CNTN4: variants seen among roughly 807,000 people sequenced by gnomAD.
CNTN4 encodes contactin 4, also known as contactin-4.
Under a neutral mutation model 122.5 loss-of-function variants are expected in CNTN4, and 77 were observed. That is an observed-to-expected ratio of 0.63 (90% CI 0.52 to 0.76). The LOEUF is 0.76. CNTN4 is among the 30% of genes least tolerant of loss of function. The pLI is 0.00. For missense variants in CNTN4, 1,256 were observed against 1,259.1 expected, an observed-to-expected ratio of 1.00 and a Z score of 0.04; for synonymous variants, 512 against 447.0, an observed-to-expected ratio of 1.15 and a Z score of -1.83.
chr3:3,041,951 C>G (rs999113777), intron 20 of CNTN4, among the ~76,000 whole-genome samples: 1 of 152,016 alleles, frequency 6.6e-6, no homozygotes, highest in Non-Finnish European at 1.5e-5. Flanking sequence ...AGAGTGAGAC[C>G]CTATTTCAAA....
chr3:2,218,811 T>C (rs2038952194), intron 2 of CNTN4, among the ~76,000 whole-genome samples: 1 of 152,218 alleles, frequency 6.6e-6, no homozygotes, highest in African/African-American at 2.4e-5. Context: ...CCATTTTTCA[T>C]CACGATAGGA....
In CNTN4 at chr3:2,659,088, C is replaced by CA. The variant is rs201992395; in HGVS notation, c.56-77120dup. ...GTGAGATCAGAAAGAATGCTCTGTT[C>CA]AAAAAAATCACATACTTTGTCTCAT... is the stretch of plus-strand genomic sequence containing the variant. On this transcript the variant is annotated intron_variant, in intron 4 of 24. Coordinates refer to ENST00000418658, the MANE Select transcript of CNTN4 (RefSeq NM_175607.3). Among the ~76,000 whole-genome samples the CA allele has an allele frequency of 8.6e-3, 1,298 of 151,232 alleles. 24 individuals are homozygous for CA. Among genetic ancestry groups the CA allele is most frequent in the African/African-American group, 0.03 (1,234 of 41,196 alleles).
chr3:2,661,102 C>T (rs1285593521), intron 4 of CNTN4, among the ~76,000 whole-genome samples: 2 of 152,170 alleles, frequency 1.3e-5, no homozygotes, highest in Non-Finnish European at 2.9e-5. Context: ...CTACTACTAC[C>T]AAACAGTTTT....
intron 3 of CNTN4, among the ~76,000 whole-genome samples, chr3:2,394,913 A>G (rs998472521): frequency 2.0e-5 from 3 of 150,164 alleles, no homozygotes; most frequent in African/African-American, 4.9e-5. Context: ...CAGCCTCCCA[A>G]GTAGCTTAGG....
intron 3 of CNTN4, among the ~76,000 whole-genome samples, chr3:2,529,774 TGAGGAG>T (rs992513395): frequency 1.3e-5 from 2 of 151,698 alleles, no homozygotes; most frequent in African/African-American, 4.8e-5. Context: ...CACCATATGA[TGAGGAG>T]GAGGAGGAGG....
At chr3:2,968,335 A>G (rs1692539596) in intron 13 of CNTN4, among the ~76,000 whole-genome samples, 1 of 152,164 alleles carries the variant, frequency 6.6e-6, no homozygotes, top group Admixed American at 6.5e-5. Flanking sequence ...AAACCAAGGA[A>G]AAAAATGTGG....
intron 2 of CNTN4, among the ~76,000 whole-genome samples, chr3:2,210,622 C>T (rs573808599): frequency 7.2e-5 from 11 of 152,230 alleles, no homozygotes; most frequent in Middle Eastern, 3.4e-3. Flanking sequence ...GAGGCTAAGA[C>T]AAAACTTAAA....
At chr3:2,113,553 A>G (rs1018618399) in intron 2 of CNTN4, among the ~76,000 whole-genome samples, 1 of 152,214 alleles carries the variant, frequency 6.6e-6, no homozygotes, top group African/African-American at 2.4e-5. Flanking sequence ...AACTGAAACA[A>G]CTGGTTCCCT....
At chr3:2,188,251 C>T (rs1218048570) in intron 2 of CNTN4, among the ~76,000 whole-genome samples, 1 of 152,138 alleles carries the variant, frequency 6.6e-6, no homozygotes. Flanking sequence ...TTTGCCTTTC[C>T]ATTGAGAGGT....
chr3:2,683,883 C>T (rs2085294297), intron 4 of CNTN4, among the ~76,000 whole-genome samples: 1 of 152,096 alleles, frequency 6.6e-6, no homozygotes, highest in African/African-American at 2.4e-5. Flanking sequence ...CTGGGCTCTA[C>T]CTTAAACCTA....
At chr3:3,039,440 A>G (rs1699943099) in intron 19 of CNTN4, 1 of 176,790 alleles carries the variant, frequency 5.7e-6, no homozygotes, top group African/African-American at 2.4e-5. Flanking sequence ...AACAACCTGG[A>G]GGAAAGTTAG....
intron 3 of CNTN4, among the ~76,000 whole-genome samples, chr3:2,378,747 T>A (rs2045913159): frequency 6.6e-6 from 1 of 151,706 alleles, no homozygotes; most frequent in Non-Finnish European, 1.5e-5. Flanking sequence ...TTTTTTTTTT[T>A]GAAGAAGGAT....
chr3:2,980,497 G>A (rs1693856479), intron 13 of CNTN4, among the ~76,000 whole-genome samples: 1 of 152,188 alleles, frequency 6.6e-6, no homozygotes, highest in Admixed American at 6.5e-5. Context: ...AAGTCAGTCA[G>A]TAGTCTAAAT....
intron 6 of CNTN4, among the ~76,000 whole-genome samples, chr3:2,785,771 G>T (rs886201552): frequency 6.6e-6 from 1 of 152,056 alleles, no homozygotes; most frequent in African/African-American, 2.4e-5. Flanking sequence ...GATATACTGG[G>T]TAGAAGGGCA....
At chr3:2,632,528 C>A (rs147227548) in intron 4 of CNTN4, among the ~76,000 whole-genome samples, 3 of 152,256 alleles carry the variant, frequency 2.0e-5, no homozygotes, top group African/African-American at 7.2e-5. Flanking sequence ...CAAAGAGTTG[C>A]ACATTTATGT....
At chr3:2,994,668 T>G (rs1301059506) in intron 14 of CNTN4, among the ~76,000 whole-genome samples, 1 of 151,646 alleles carries the variant, frequency 6.6e-6, no homozygotes, top group African/African-American at 2.4e-5. Flanking sequence ...GCATTACTAT[T>G]GCGCACTATA....
intron 14 of CNTN4, among the ~76,000 whole-genome samples, chr3:3,005,420 C>A (rs1696517160): frequency 6.6e-6 from 1 of 152,230 alleles, no homozygotes; most frequent in Admixed American, 6.5e-5. Context: ...GCTTAGAAAT[C>A]TCTTCAGCTA....
rs570608632 is a variant in CNTN4, at chr3:2,601,458, A to C, written c.55+29900A>C. 2.2e-4 allele frequency among the ~76,000 whole-genome samples: 34 copies of C among 152,284 alleles called. 1 individual carries two copies. The highest frequency in any genetic ancestry group is 8.2e-4 in the African/African-American group (34 of 41,554). ...TCTCAGAACCTTTATTAAATAGGGA[A>C]TCCTTTCCTCATTCCTTGTTTTTGT... On this transcript the variant is annotated intron_variant, in intron 4 of 24. Coordinates refer to ENST00000418658, the MANE Select transcript of CNTN4 (RefSeq NM_175607.3).
intron 13 of CNTN4, among the ~76,000 whole-genome samples, chr3:2,933,044 G>C (rs553781956): frequency 2.3e-4 from 35 of 152,030 alleles, no homozygotes; most frequent in Admixed American, 1.2e-3. Flanking sequence ...GGATGGTCTC[G>C]ATCTCCTGAC....
Sources: allele counts gnomAD v4.1 joint callset (sites outside exome capture counted in the v4.1 genomes callset), GRCh38; gene constraint gnomAD v4.1.1; transcripts MANE v1.5; gene names NCBI Gene and HGNC (gene_info 2026-07-23, HGNC 2026-07-21).